Variants in LMLN observed in about 807,000 individuals in gnomAD.
The protein encoded by LMLN is leishmanolysin-like peptidase.
LMLN carries 70 observed loss-of-function variants against 92.3 expected under a neutral mutation model. The observed-to-expected ratio is 0.76, with a 90% CI of 0.63 to 0.92. LMLN has a LOEUF of 0.92. LMLN is among the 40% of genes least tolerant of loss of function. The pLI is 0.00. For missense variants in LMLN, 691 were observed against 814.6 expected (o/e 0.85, Z 1.85); for synonymous variants, 308 against 296.2 (o/e 1.04, Z -0.41).
At position 198,035,945 on chromosome 3, in the gene LMLN, A is replaced by T. The variant is rs201940107; in HGVS notation, c.1769A>T (p.Asp590Val). ...ATCCAGATGAATGGCTGGATTCACG[A>T]TGGAAACCTGCTCTGCCCATCATGT... The change falls in exon 15 of 16, where the codon GAT (aspartate) becomes GTT (valine). Residue 590 changes from aspartate to valine, a missense_variant. Physicochemically the swap from Asp to Val is radical, Grantham distance 152. This residue lies in a region of LMLN where 352 missense variants were observed against 443.6 expected (regional missense o/e 0.79). Coordinates refer to ENST00000330198, the Ensembl canonical transcript of LMLN. 96 of 1,614,126 alleles carry T rather than the reference A, an allele frequency of 5.9e-5. No individual in the cohort carries two copies. In the African/African-American group the frequency reaches 1.1e-3, roughly 18 times the overall value.
chr3:198,020,305 TTA>T (rs1722744038), intron 12 of LMLN, among the ~76,000 whole-genome samples: 1 of 152,098 alleles, frequency 6.6e-6, no homozygotes, highest in African/African-American at 2.4e-5. Context: ...GCCATGACCT[TTA>T]AGTTTCTTGT....
chr3:198,038,486 C>A, intron 15 of LMLN, 81 bp from the exon 17 acceptor site: 1 of 983,346 alleles, frequency 1.0e-6, no homozygotes, highest in Non-Finnish European at 1.6e-6. Context: ...ATAATCACTG[C>A]TCTTCATCTG....
At chr3:197,989,462 A>G (rs781549889) in intron 8 of LMLN, among the ~76,000 whole-genome samples, 14 of 152,216 alleles carry the variant, frequency 9.2e-5, no homozygotes, top group Non-Finnish European at 1.9e-4. Context: ...TAAATGGATA[A>G]TCAGCACAGT....
intron 10 of LMLN, among the ~76,000 whole-genome samples, chr3:197,998,540 C>G: frequency 6.6e-6 from 1 of 152,102 alleles, no homozygotes; most frequent in East Asian, 1.9e-4. Flanking sequence ...ATTAACTTCT[C>G]TCAAATCAAC....
chr3:198,030,237 G>A (rs1271682100), intron 14 of LMLN, among the ~76,000 whole-genome samples: 1 of 152,082 alleles, frequency 6.6e-6, no homozygotes, highest in Non-Finnish European at 1.5e-5. Context: ...AATTTAGTTG[G>A]TTCGCCTCGT....
At chr3:198,015,318 T>A (rs11927808) in intron 11 of LMLN, among the ~76,000 whole-genome samples, 122 of 31,428 alleles carry the variant, frequency 3.9e-3, no homozygotes, top group African/African-American at 0.016. Context: ...CTCTCCACCC[T>A]TCAGAGCCCC....
intron 8 of LMLN, among the ~76,000 whole-genome samples, chr3:197,988,481 C>CTTTTTTTTTT (rs67505779): frequency 2.4e-5 from 1 of 42,028 alleles, no homozygotes; most frequent in African/African-American, 1.0e-4. Flanking sequence ...GGATTTACCC[C>CTTTTTTTTTT]TTTTTTTTTT....
At chr3:197,966,265 C>G (rs1721057829) in intron 1 of LMLN, among the ~76,000 whole-genome samples, 1 of 152,190 alleles carries the variant, frequency 6.6e-6, no homozygotes, top group Admixed American at 6.5e-5. Context: ...TAGTCTCAAA[C>G]TCCTGACCTC....
intron 11 of LMLN, among the ~76,000 whole-genome samples, chr3:198,015,886 A>G (rs1722624290): frequency 6.6e-6 from 1 of 152,142 alleles, no homozygotes; most frequent in South Asian, 2.1e-4. Context: ...TGATATTTCT[A>G]TTGTTATATT....
intron 6 of LMLN, among the ~76,000 whole-genome samples, chr3:197,982,358 G>T (rs990121544): frequency 6.6e-6 from 1 of 150,766 alleles, no homozygotes; most frequent in Non-Finnish European, 1.5e-5. Flanking sequence ...CCTGAGTAGC[G>T]GCGACTACAG....
intron 9 of LMLN, among the ~76,000 whole-genome samples, chr3:197,994,336 CAGAG>C (rs531717004): frequency 2.2e-4 from 33 of 152,136 alleles, no homozygotes; most frequent in Middle Eastern, 3.4e-3. Flanking sequence ...AGCCTAGAAA[CAGAG>C]AGAAAATATT....
intron 11 of LMLN, among the ~76,000 whole-genome samples, chr3:198,013,498 C>G (rs867951004): frequency 2.8e-3 from 349 of 126,746 alleles, no homozygotes; most frequent in Middle Eastern, 4.8e-3. Flanking sequence ...TGACTTCTCT[C>G]CACCCTTCAG....
Position 197,974,362 on chromosome 3 carries a change from C to A in LMLN, c.220-15C>A. 1 of 1,394,080 alleles carries A rather than the reference C, an allele frequency of 7.2e-7. No homozygotes were observed. Among genetic ancestry groups the A allele is most frequent in the Non-Finnish European group, 1.0e-6 (1 of 991,912 alleles). 86.4% of individuals were successfully genotyped at this position (1,394,080 alleles called of 1,614,324 possible). A position where few individuals can be genotyped will look rare whatever the true frequency, so the allele number is the denominator to read the frequency against. On this transcript the variant is annotated splice_polypyrimidine_tract_variant and intron_variant, in intron 1 of 15. Transcript: ENST00000330198. ...GTATGTCTTAAACAGTTTTCAAATC[C>A]GTTCCTTTTTTCAGGTCATAAATAA...
At chr3:198,035,968 T>C in exon 15 of LMLN, 1 of 1,614,178 alleles carries the variant, frequency 6.2e-7, no homozygotes, top group East Asian at 2.2e-5. Flanking sequence ...CTGCCCATCA[T>C]GTTGGGACTT....
rs1722518192 is a variant in LMLN at position 198,013,582 on chromosome 3, G to T, written c.1233-5671G>T. Among the ~76,000 whole-genome samples the T allele has an allele frequency of 1.6e-5, 2 of 124,956 alleles. 1 individual carries two copies. 82.0% of individuals were successfully genotyped at this position (124,956 alleles called of 152,430 possible). On this transcript the variant is annotated intron_variant, in intron 11 of 15. Transcript: ENST00000330198. ...TAGTCTGACTTCTCTGTACCCTTCAGAGCCCCTTAACTAGTCTGACTTCTC... is the reference window on the plus strand; with the variant it reads ...TAGTCTGACTTCTCTGTACCCTTCATAGCCCCTTAACTAGTCTGACTTCTC...
Position 198,031,919 on chromosome 3 carries a change from T to G in LMLN, c.1657-3914T>G, listed in dbSNP as rs577617565. Among the ~76,000 whole-genome samples the G allele has an allele frequency of 6.6e-6, 1 of 151,816 alleles. No individual in the cohort carries two copies. Among genetic ancestry groups the G allele is most frequent in the African/African-American group, 2.4e-5 (1 of 41,282 alleles). ...GAGTTTGAAAGCAGCCTGGCCAACA[T>G]GATGAAACCCCTCATCTACTAAAAA... On this transcript the variant is annotated intron_variant, in intron 14 of 15. Transcript: ENST00000330198. The surrounding 1 kb of genome is among the most constrained non-coding windows in gnomAD (Gnocchi z 4.8).
chr3:197,967,220 A>G (rs1721083775), intron 1 of LMLN, among the ~76,000 whole-genome samples: 1 of 152,190 alleles, frequency 6.6e-6, no homozygotes. Flanking sequence ...CCTCTCTAAT[A>G]ATAACTTCAG....
At chr3:198,009,783 A>G (rs557085275) in intron 11 of LMLN, among the ~76,000 whole-genome samples, 155 of 152,216 alleles carry the variant, frequency 1.0e-3, no homozygotes, top group Non-Finnish European at 2.0e-3. Flanking sequence ...GTAGTATTCC[A>G]TTATTATTCT....
At chr3:198,012,874 C>T (rs1722491239) in intron 11 of LMLN, among the ~76,000 whole-genome samples, 1 of 134,766 alleles carries the variant, frequency 7.4e-6, no homozygotes, top group Non-Finnish European at 1.5e-5. Flanking sequence ...TCTCTGTACC[C>T]TTCAGAGTCC....
Sources: gnomAD v4.1 joint callset for allele counts (sites outside exome capture counted in the v4.1 genomes callset) on GRCh38, gnomAD v4.1.1 for gene constraint, gnomAD v4.1.1 regional missense constraint, Gnocchi (gnomAD v3.1) non-coding constraint, MANE v1.5 for transcripts, NCBI Gene and HGNC (gene_info 2026-07-23, HGNC 2026-07-21) for gene names.